IRAK4: variants seen among roughly 807,000 people sequenced by gnomAD.
IRAK4 encodes the protein interleukin-1 receptor-associated kinase 4.
A neutral mutation model predicts 51.8 loss-of-function variants in IRAK4; 44 were observed. The observed-to-expected ratio is 0.85, with a 90% CI of 0.67 to 1.09. The LOEUF (loss-of-function observed/expected upper bound fraction) is 1.09, where lower values mean the gene tolerates loss of function less well. IRAK4 is among the 50% of genes least tolerant of loss of function. The pLI is 0.00. For missense variants in IRAK4, 487 were observed against 538.0 expected (o/e 0.91, Z 0.94); for synonymous variants, 149 against 174.1 (o/e 0.86, Z 1.13).
intron 8 of IRAK4, among the ~76,000 whole-genome samples, chr12:43,782,066 CAT>C (rs1941820485): frequency 1.5e-5 from 2 of 129,594 alleles, no homozygotes; most frequent in Non-Finnish European, 3.5e-5. Context: ...CCTCAAGAAA[CAT>C]AAAAAAAGAG....
chr12:43,787,224 A>G lies in IRAK4; in HGVS notation c.*509A>G, dbSNP rs1185087110. On this transcript the variant is annotated 3_prime_UTR_variant, in exon 12 of 12. Coordinates refer to ENST00000613694, the MANE Select transcript of IRAK4 (RefSeq NM_016123.4). ...TAAAATGATACAAAATTTAAAGTTT[A>G]TAGAGCCAGTTACAAAATCCTATTA... 6.5e-6 allele frequency: 1 copy of G among 154,958 alleles called. No homozygotes were observed. Among genetic ancestry groups the G allele is most frequent in the Non-Finnish European group, 1.4e-5 (1 of 69,868 alleles). The allele number at this position is 154,958 out of a possible 1,614,324, so 9.6% of individuals were successfully genotyped here.
intron 1 of IRAK4, chr12:43,763,170 T>C (rs1939744917): frequency 6.6e-6 from 1 of 152,244 alleles, no homozygotes; most frequent in South Asian, 2.1e-4. Context: ...AGCTTCAGAT[T>C]CCTCATTGCA....
chr12:43,783,027 G>T (rs1308606906), intron 9 of IRAK4, among the ~76,000 whole-genome samples: 2 of 152,066 alleles, frequency 1.3e-5, no homozygotes, highest in African/African-American at 4.8e-5. Flanking sequence ...TTCTTGTGAA[G>T]AATCCCCAAG....
rs1286703507 is a variant in IRAK4 at position 43,778,272 on chromosome 12, A to G, written c.911A>G (p.Glu304Gly). 1.2e-6 allele frequency: 2 copies of G among 1,603,858 alleles called. No individual in the cohort carries two copies. Among genetic ancestry groups the G allele is most frequent in the Non-Finnish European group, 8.5e-7 (1 of 1,170,928 alleles). Residue 304 changes from glutamate to glycine, a missense_variant, in exon 8 of 12, where the codon GAA becomes GGA. Coordinates refer to ENST00000613694, the MANE Select transcript of IRAK4 (RefSeq NM_016123.4). ...GCTAATGGCATCAATTTTCTACATGAAAATCATCATATTCATAGAGATATT... is the reference window on the plus strand; with the variant it reads ...GCTAATGGCATCAATTTTCTACATGGAAATCATCATATTCATAGAGATATT... Reference protein sequence around the residue: ...GAANGINFLHENHHIHRDIKS... With the variant: ...GAANGINFLHGNHHIHRDIKS...
intron 6 of IRAK4, among the ~76,000 whole-genome samples, chr12:43,774,275 C>T (rs1328468704): frequency 2.0e-5 from 3 of 152,078 alleles, no homozygotes; most frequent in South Asian, 2.1e-4. Context: ...GACAGAGTCT[C>T]GCTCTTTTGC....
intron 8 of IRAK4, among the ~76,000 whole-genome samples, chr12:43,781,579 C>A (rs571381146): frequency 6.6e-6 from 1 of 152,300 alleles, no homozygotes; most frequent in East Asian, 1.9e-4. Context: ...ACTTTTCACC[C>A]TCTGTTTGAA....
Position 43,771,373 on chromosome 12 carries a change from G to C in IRAK4, c.307+8G>C, listed in dbSNP as rs1008518843. 8.7e-6 allele frequency: 14 copies of C among 1,613,932 alleles called. No individual in the cohort carries two copies. The highest frequency in any genetic ancestry group is 1.2e-5 in the Non-Finnish European group (14 of 1,179,812). On this transcript the variant is annotated splice_region_variant and intron_variant, in intron 3 of 11. Transcript: ENST00000613694. ...CGAGTCTTTTGCTCCCAGGTAAACT[G>C]ATTGTGACCAGGGTGTCCACAATTA...
intron 1 of IRAK4, among the ~76,000 whole-genome samples, chr12:43,763,029 C>G (rs938885557): frequency 6.6e-6 from 1 of 152,210 alleles, no homozygotes; most frequent in Non-Finnish European, 1.5e-5. Flanking sequence ...AAACCCTTAA[C>G]ACCAACAGTT....
At chr12:43,774,902 TTGTC>T (rs1941131700) in intron 6 of IRAK4, among the ~76,000 whole-genome samples, 1 of 152,218 alleles carries the variant, frequency 6.6e-6, no homozygotes. Context: ...TTTATGTGCA[TTGTC>T]TGTCTAACCC....
chr12:43,776,112 G>T (rs1484465248), intron 6 of IRAK4, among the ~76,000 whole-genome samples: 1 of 151,890 alleles, frequency 6.6e-6, no homozygotes, highest in South Asian at 2.1e-4. Flanking sequence ...GTTTAGATCT[G>T]ACGTCGTGAT....
intron 2 of IRAK4, among the ~76,000 whole-genome samples, chr12:43,770,661 G>C (rs561387897): frequency 1.3e-5 from 2 of 152,040 alleles, no homozygotes. Context: ...TGGTTCTCTT[G>C]TTGTCCCTTT....
At chr12:43,768,569 A>G (rs1295464533) in intron 2 of IRAK4, 2 of 250,414 alleles carry the variant, frequency 8.0e-6, no homozygotes, top group Admixed American at 5.1e-5. Context: ...ACTCTGCCTC[A>G]CACTTCTCAT....
chr12:43,771,103 C>T, intron 2 of IRAK4, 117 bp from the exon 3 acceptor site: 1 of 930,940 alleles, frequency 1.1e-6, no homozygotes, highest in Non-Finnish European at 1.7e-6. Flanking sequence ...GCCTCCAGAA[C>T]CGTGAGCCAA....
chr12:43,778,015 A>G (rs1941443105), intron 7 of IRAK4, among the ~76,000 whole-genome samples, 178 bp from the exon 8 acceptor site: 1 of 152,210 alleles, frequency 6.6e-6, no homozygotes. Context: ...TAACAAATGT[A>G]AACACCCATT....
At chr12:43,781,479 T>C (rs1376510512) in intron 8 of IRAK4, among the ~76,000 whole-genome samples, 1 of 152,222 alleles carries the variant, frequency 6.6e-6, no homozygotes, top group African/African-American at 2.4e-5. Context: ...CATGTTTTTG[T>C]CACTTTGTAC....
chr12:43,778,030 CTTA>C (rs4251502), intron 7 of IRAK4, among the ~76,000 whole-genome samples, 160 bp from the exon 8 acceptor site: 1,557 of 152,216 alleles, frequency 0.01, 33 homozygotes, highest in African/African-American at 0.035. Context: ...CCCATTTGAG[CTTA>C]TTTAGATATT....
chr12:43,771,224 T>C lies in IRAK4; in HGVS notation c.166T>C (p.Phe56Leu). 7 of 1,613,760 alleles carry C rather than the reference T, an allele frequency of 4.3e-6. No homozygotes were observed. Among genetic ancestry groups the C allele is most frequent in the Non-Finnish European group, 5.9e-6 (7 of 1,179,742 alleles). ...DRYNQFHIRR[F>L]EALLQTGKSP... is the part of the protein sequence containing the mutation. Reference sequence around the variant, plus strand: ...TCTTTGTTACTTACTTTTAAGGAGATTTGAAGCATTACTTCAAACTGGAAA... The same window carrying C: ...TCTTTGTTACTTACTTTTAAGGAGACTTGAAGCATTACTTCAAACTGGAAA... The change falls in exon 3 of 12, where the codon TTT becomes CTT. Residue 56 changes from phenylalanine (F) to leucine (L), a missense_variant. Phe to Leu is a conservative substitution (Grantham distance 22). Coordinates refer to ENST00000613694, the MANE Select transcript of IRAK4 (RefSeq NM_016123.4).
intron 8 of IRAK4, among the ~76,000 whole-genome samples, chr12:43,781,464 C>T (rs1055760256): frequency 6.6e-6 from 1 of 152,076 alleles, no homozygotes; most frequent in African/African-American, 2.4e-5. Context: ...CCATGTATAC[C>T]ATATCATGTT....
Position 43,783,661 on chromosome 12 carries a change from G to A in IRAK4, c.1126-1G>A. On this transcript the variant is annotated splice_acceptor_variant, in intron 9 of 11. Transcript: ENST00000613694. LOFTEE classifies it high-confidence loss of function. ...ATTAATGATTTTTTTTGTCTTCATA[G>A]GTTTTACTAGAAATAATAACTGGAC... 6.3e-7 allele frequency: 1 copy of A among 1,593,920 alleles called. No individual in the cohort carries two copies. Among genetic ancestry groups the A allele is most frequent in the Non-Finnish European group, 8.6e-7 (1 of 1,162,738 alleles).
Sources: allele counts gnomAD v4.1 joint callset (sites outside exome capture counted in the v4.1 genomes callset), GRCh38; gene constraint gnomAD v4.1.1; transcripts MANE v1.5; gene names NCBI Gene and HGNC (gene_info 2026-07-23, HGNC 2026-07-21).